DPP9: variants seen among roughly 807,000 people sequenced by gnomAD.
DPP9 encodes the protein dipeptidyl peptidase IV-related protein-2.
Under a neutral mutation model 110.7 loss-of-function variants are expected in DPP9, and 50 were observed. The ratio of observed to expected loss-of-function variants is 0.45; its 90% confidence interval spans 0.36 to 0.57. The LOEUF (loss-of-function observed/expected upper bound fraction) is 0.57, where lower values mean the gene tolerates loss of function less well. Ranked by LOEUF, DPP9 falls within the 20% of genes least tolerant of loss-of-function variation. The pLI, the probability that DPP9 is intolerant of heterozygous loss-of-function variation, is 0.00. For synonymous variants in DPP9, 561 were observed against 514.4 expected, an observed-to-expected ratio of 1.09 and a Z score of -1.23; for missense variants, 1,022 against 1,217.9, an observed-to-expected ratio of 0.84 and a Z score of 2.39.
chr19:4,700,593 G>T lies in DPP9; in HGVS notation c.1013-316C>A, dbSNP rs1181687528. 1.3e-5 allele frequency among the ~76,000 whole-genome samples: 2 copies of T among 152,228 alleles called. No individual in the cohort carries two copies. ...AGAGCTGGGGCTTGTAGGGGCCGCAGATACCAGGAAGATGCCATCCCTGCC... is the reference window on the plus strand; with the variant it reads ...AGAGCTGGGGCTTGTAGGGGCCGCATATACCAGGAAGATGCCATCCCTGCC... On this transcript the variant is annotated intron_variant, in intron 9 of 21. Transcript: ENST00000262960. This position sits in a 1 kb window ranked among gnomAD's most constrained non-coding sequence, Gnocchi z 4.3.
chr19:4,695,502 A>G lies in DPP9; in HGVS notation c.1229T>C (p.Leu410Pro), dbSNP rs1189248355. 6.5e-7 allele frequency: 1 copy of G among 1,548,288 alleles called. No individual in the cohort carries two copies. Among genetic ancestry groups the G allele is most frequent in the Non-Finnish European group, 8.7e-7 (1 of 1,149,682 alleles). The change falls in exon 12 of 22, where the codon CTC becomes CCC. Residue 410 changes from leucine to proline, a missense_variant. This residue lies in a region of DPP9 where 810 missense variants were observed against 920.6 expected (regional missense o/e 0.88). Coordinates refer to ENST00000262960, the MANE Select transcript of DPP9 (RefSeq NM_139159.5). This position sits in a 1 kb window ranked among gnomAD's most constrained non-coding sequence, Gnocchi z 4.7. ...GCTCGGGATGAACAGGGCCGGGGGG[A>G]GGAGGACGAGCTGGAGCCACTGCTG... Reference protein sequence around the residue: ...RPQQWLQLVLLPPALFIPSTE... With the variant: ...RPQQWLQLVLPPPALFIPSTE...
rs775089996 is a variant in DPP9 at position 4,679,877 on chromosome 19, G to C, written c.2544C>G (p.Leu848=). The change falls in exon 21 of 22, where the codon CTC becomes CTG. Residue 848 remains leucine (L), a synonymous_variant. Transcript: ENST00000262960. ...ENVHFFHTNF[L]VSQLIRAGKP... is the part of the protein sequence containing the mutation. ...TCCCTGCTCGGATCAGTTGGGAGAC[G>C]AGGAAGTTTGTGTGGAAAAAGTGCA... The C allele has an allele frequency of 1.9e-6, 3 of 1,613,540 alleles. No individual in the cohort carries two copies. Among genetic ancestry groups the C allele is most frequent in the South Asian group, 2.2e-5 (2 of 91,012 alleles).
chr19:4,695,561 G>T lies in DPP9; in HGVS notation c.1176-6C>A, dbSNP rs2091729151. ...CCAGGAACATGGCCCAGGCGCTAAG[G>T]GGGAAGATGCGGGGGAAGATGAGAG... On this transcript the variant is annotated splice_region_variant and splice_polypyrimidine_tract_variant and intron_variant, in intron 11 of 21. Coordinates refer to ENST00000262960, the MANE Select transcript of DPP9 (RefSeq NM_139159.5). The surrounding 1 kb of genome is among the most constrained non-coding windows in gnomAD (Gnocchi z 4.7). 1.4e-6 allele frequency: 2 copies of T among 1,468,292 alleles called. No homozygotes were observed. The highest frequency in any genetic ancestry group is 1.8e-6 in the Non-Finnish European group (2 of 1,111,784). The allele number at this position is 1,468,292 out of a possible 1,614,324, so 91.0% of individuals were successfully genotyped here. A position where few individuals can be genotyped will look rare whatever the true frequency, so the allele number is the denominator to read the frequency against.
intron 4 of DPP9, among the ~76,000 whole-genome samples, chr19:4,707,885 C>T (rs2092663843): frequency 6.6e-6 from 1 of 151,866 alleles, no homozygotes; most frequent in African/African-American, 2.4e-5. Flanking sequence ...CTTGGCCTCC[C>T]AAAATGCTGG....
At chr19:4,702,340 CCT>C (rs2092315171) in intron 8 of DPP9, among the ~76,000 whole-genome samples, 185 bp from the exon 9 acceptor site, 1 of 152,162 alleles carries the variant, frequency 6.6e-6, no homozygotes, top group Non-Finnish European at 1.5e-5. Flanking sequence ...AGTTTCCTCC[CCT>C]GTGCAGTGGG....
In DPP9 at chr19:4,714,233, T is replaced by C. The variant is rs778242524; in HGVS notation, c.161A>G (p.Gln54Arg). 1.9e-6 allele frequency: 3 copies of C among 1,597,236 alleles called. No homozygotes were observed. The East Asian group carries it at 6.8e-5, about 36-fold the overall frequency. The change falls in exon 4 of 22, where the codon CAG becomes CGG. Residue 54 changes from glutamine (Q) to arginine (R), a missense_variant. Transcript: ENST00000262960. Reference sequence around the variant, plus strand: ...CCCGTCCCACGAGTGCTTCTGCACCTGGAAGCGGGCGGCCGGGTCATCTGT... The same window carrying C: ...CCCGTCCCACGAGTGCTTCTGCACCCGGAAGCGGGCGGCCGGGTCATCTGT... ...AATDDPAARF[Q>R]VQKHSWDGLR...
chr19:4,679,813 G>C, intron 21 of DPP9, 22 bp downstream of exon 21: 1 of 1,537,090 alleles, frequency 6.5e-7, no homozygotes, highest in South Asian at 1.2e-5. Context: ...CGGAGGGGCC[G>C]AAGCCCCCAA....
rs1460371446 is a variant in DPP9 at position 4,685,760 on chromosome 19, C to G, written c.1897G>C (p.Asp633His). Residue 633 changes from aspartate to histidine, a missense_variant, in exon 17 of 22, where the codon GAT becomes CAT. By Grantham distance (81) the Asp-to-His change is moderately conservative. Coordinates refer to ENST00000262960, the MANE Select transcript of DPP9 (RefSeq NM_139159.5). The surrounding 1 kb of genome is among the most constrained non-coding windows in gnomAD (Gnocchi z 5.8). The stretch of plus-strand genomic sequence containing the variant: ...TGGAAGATCTCTGGAGGAACATAAT[C>G]CGGGGGGCAGCCTGCGGGAGACAGG... ...SMMEAASCPP[D>H]YVPPEIFHFH... The G allele has an allele frequency of 6.2e-7, 1 of 1,613,062 alleles. No individual in the cohort carries two copies. The highest frequency in any genetic ancestry group is 1.3e-5 in the African/African-American group (1 of 75,036).
intron 9 of DPP9, among the ~76,000 whole-genome samples, chr19:4,701,595 C>A (rs753444746): frequency 6.6e-6 from 1 of 152,190 alleles, no homozygotes; most frequent in Non-Finnish European, 1.5e-5. Flanking sequence ...ACAAACAAAA[C>A]AAGAGTGACA....
intron 16 of DPP9, chr19:4,688,439 A>C: frequency 3.2e-6 from 1 of 317,248 alleles, no homozygotes; most frequent in Non-Finnish European, 5.8e-6. Context: ...CCTGCCCACT[A>C]CCCTGGGAGC....
chr19:4,695,119 C>G lies in DPP9; in HGVS notation c.1353+259G>C, dbSNP rs2145599484. ...TGAGCTATGACCACACCACTGCACT[C>G]TAGTCTGGGCAACAGAGCAACCCTG... On this transcript the variant is annotated intron_variant, in intron 12 of 21. Transcript: ENST00000262960. This position sits in a 1 kb window ranked among gnomAD's most constrained non-coding sequence, Gnocchi z 4.7. The G allele has an allele frequency of 1.7e-6, 1 of 578,440 alleles. No homozygotes were observed. Among genetic ancestry groups the G allele is most frequent in the South Asian group, 2.2e-5 (1 of 44,750 alleles). The allele number at this position is 578,440 out of a possible 1,614,324, so 35.8% of individuals were successfully genotyped here.
chr19:4,696,158 C>T (rs184656502), intron 11 of DPP9, among the ~76,000 whole-genome samples: 22 of 152,288 alleles, frequency 1.4e-4, no homozygotes, highest in African/African-American at 4.8e-4. Flanking sequence ...GCCCCAGCCT[C>T]CCAAAGTGCT....
rs1372540259 is a variant in DPP9, at chr19:4,699,058, C to T, written c.1074+1158G>A. 5.4e-5 allele frequency among the ~76,000 whole-genome samples: 8 copies of T among 147,598 alleles called. No homozygotes were observed. In the Admixed American group the frequency reaches 5.5e-4, roughly 10 times the overall value. ...CCTGTAGTCCCAGCTACTCGGGAGG[C>T]TGAGGCAGGAGAATGGCATGAACCC... On this transcript the variant is annotated intron_variant, in intron 10 of 21. Coordinates refer to ENST00000262960, the MANE Select transcript of DPP9 (RefSeq NM_139159.5).
At chr19:4,714,019 G>T in intron 4 of DPP9, 62 bp downstream of exon 4, 2 of 1,530,154 alleles carry the variant, frequency 1.3e-6, no homozygotes, top group South Asian at 2.6e-5. Context: ...GAACAGAGAG[G>T]ACCAGGGAAC....
rs1211827299 is a variant in DPP9 at position 4,676,289 on chromosome 19, T to A, written c.*275A>T. The stretch of plus-strand genomic sequence containing the variant: ...CTCCAGTGCCCATCAGCGTGTGACC[T>A]CCTCCTCCCAGAAGGCGGGGAGAGG... On this transcript the variant is annotated 3_prime_UTR_variant, in exon 22 of 22. Transcript: ENST00000262960. The surrounding 1 kb of genome is among the most constrained non-coding windows in gnomAD (Gnocchi z 4.0). 2.0e-6 allele frequency: 1 copy of A among 493,494 alleles called. No individual in the cohort carries two copies. The highest frequency in any genetic ancestry group is 3.7e-6 in the Non-Finnish European group (1 of 268,624). 30.6% of individuals were successfully genotyped at this position (493,494 alleles called of 1,614,324 possible). A position where few individuals can be genotyped will look rare whatever the true frequency, so the allele number is the denominator to read the frequency against.
chr19:4,706,908 C>A (rs2092612996), intron 4 of DPP9, among the ~76,000 whole-genome samples: 1 of 152,200 alleles, frequency 6.6e-6, no homozygotes, highest in South Asian at 2.1e-4. Flanking sequence ...CGGGGTGGGG[C>A]TGTCCTGACC....
In DPP9 at chr19:4,684,822, G is replaced by A; in HGVS notation, c.2032-13C>T. 1.3e-6 allele frequency: 2 copies of A among 1,585,288 alleles called. No individual in the cohort carries two copies. The highest frequency in any genetic ancestry group is 1.7e-6 in the Non-Finnish European group (2 of 1,166,788). On this transcript the variant is annotated splice_polypyrimidine_tract_variant and intron_variant, in intron 17 of 21. Transcript: ENST00000262960. The surrounding 1 kb of genome is among the most constrained non-coding windows in gnomAD (Gnocchi z 4.8). ...TCACCAGCTGCACCTGTGGGGAGGT[G>A]AGGGCCAGCAGTCCAGCACGAGATG...
intron 2 of DPP9, 33 bp downstream of exon 2, chr19:4,722,466 C>A (rs1477164294): frequency 1.4e-6 from 1 of 702,672 alleles, no homozygotes; most frequent in Non-Finnish European, 2.6e-6. Context: ...CACACCCCAG[C>A]CTTCCTGGCT....
At chr19:4,703,682 AAAG>A (rs1466575884) in intron 7 of DPP9, among the ~76,000 whole-genome samples, 7 of 138,130 alleles carry the variant, frequency 5.1e-5, no homozygotes, top group African/African-American at 2.0e-4. Context: ...AAAAAAAAAA[AAAG>A]AAAGAAAGAA....
Sources: allele counts gnomAD v4.1 joint callset (sites outside exome capture counted in the v4.1 genomes callset), GRCh38; gene constraint gnomAD v4.1.1; regional missense constraint gnomAD v4.1.1; non-coding constraint Gnocchi (gnomAD v3.1); transcripts MANE v1.5; gene names NCBI Gene and HGNC (gene_info 2026-07-23, HGNC 2026-07-21).